RERE: variants seen among roughly 807,000 people sequenced by gnomAD.
The protein encoded by RERE is arginine-glutamic acid dipeptide repeats.
RERE carries 40 observed loss-of-function variants against 146.1 expected under a neutral mutation model. That is an observed-to-expected ratio of 0.27 (90% CI 0.21 to 0.36). RERE has a LOEUF of 0.36. RERE is among the 10% of genes least tolerant of loss of function. RERE has a pLI of 1.00. For synonymous variants in RERE, 1,003 were observed against 866.0 expected (o/e 1.16, Z -2.78); for missense variants, 1,933 against 2,138.7 (o/e 0.90, Z 1.90).
intron 4 of RERE, among the ~76,000 whole-genome samples, chr1:8,570,633 T>C (rs1246441817): frequency 1.3e-5 from 2 of 152,126 alleles, no homozygotes; most frequent in African/African-American, 4.8e-5. Flanking sequence ...CCTGAGAGAA[T>C]GACAGTGAAA....
chr1:8,510,199 GCC>G (rs2124305293), intron 7 of RERE, among the ~76,000 whole-genome samples: 1 of 152,218 alleles, frequency 6.6e-6, no homozygotes, highest in South Asian at 2.1e-4. Context: ...ACCAGAACAG[GCC>G]GATGCCCGTA....
At chr1:8,601,424 T>C (rs1646623818) in intron 4 of RERE, among the ~76,000 whole-genome samples, 1 of 152,080 alleles carries the variant, frequency 6.6e-6, no homozygotes, top group Non-Finnish European at 1.5e-5. Flanking sequence ...TTGCTGTGAA[T>C]AATTAGTACC....
intron 12 of RERE, among the ~76,000 whole-genome samples, chr1:8,419,226 T>G (rs979947615): frequency 2.0e-5 from 3 of 152,196 alleles, no homozygotes; most frequent in Non-Finnish European, 4.4e-5. Flanking sequence ...TTGGGTACCC[T>G]GAGGTTAACA....
At chr1:8,508,413 A>G (rs74818734) in intron 8 of RERE, among the ~76,000 whole-genome samples, 1 of 152,338 alleles carries the variant, frequency 6.6e-6, no homozygotes, top group African/African-American at 2.4e-5. Flanking sequence ...CTATACAACA[A>G]TATTAATGTA....
intron 2 of RERE, among the ~76,000 whole-genome samples, chr1:8,655,075 G>C (rs187685104): frequency 2.6e-3 from 392 of 152,178 alleles, no homozygotes; most frequent in South Asian, 7.7e-3. Context: ...ACAATATACT[G>C]GTGTGACCAT....
At chr1:8,525,943 A>T in intron 7 of RERE, 1 of 1,345,876 alleles carries the variant, frequency 7.4e-7, no homozygotes. Flanking sequence ...CTAAGCCTTC[A>T]CGCAGAACGC....
chr1:8,522,322 C>G (rs1179792359), intron 7 of RERE, among the ~76,000 whole-genome samples: 1 of 152,194 alleles, frequency 6.6e-6, no homozygotes, highest in Admixed American at 6.5e-5. Flanking sequence ...TCTTAGAATA[C>G]ACGGTTTTCT....
chr1:8,774,347 A>ATTTTTTTTTT (rs34859762), intron 1 of RERE, among the ~76,000 whole-genome samples: 16 of 93,178 alleles, frequency 1.7e-4, no homozygotes, highest in Middle Eastern at 7.2e-3. Context: ...TTGGCAAACT[A>ATTTTTTTTTT]TTTTTTTTTT....
intron 11 of RERE, among the ~76,000 whole-genome samples, chr1:8,436,404 A>G (rs965840812): frequency 6.6e-6 from 1 of 152,220 alleles, no homozygotes; most frequent in Non-Finnish European, 1.5e-5. Context: ...TCTCCCTACA[A>G]TATCACCCTA....
At chr1:8,355,665 C>T (rs1570011390) in intron 21 of RERE, 66 bp from the exon 22 acceptor site, 3 of 1,392,830 alleles carry the variant, frequency 2.2e-6, no homozygotes, top group East Asian at 2.5e-5. Context: ...CAGGGCGGCA[C>T]AGGCACAGCA....
In RERE at chr1:8,683,270, C is replaced by T. The variant is rs118051959; in HGVS notation, c.-144-26829G>A. Among the ~76,000 whole-genome samples, 184 of 152,164 alleles carry T rather than the reference C, an allele frequency of 1.2e-3. 2 individuals are homozygous for T. The East Asian group carries it at 0.02, about 17-fold the overall frequency. ...GTCTATACCACACATGTACCTTCACCCTTTTGTTTTCCTTTTAATCCCACT... is the reference window on the plus strand; with the variant it reads ...GTCTATACCACACATGTACCTTCACTCTTTTGTTTTCCTTTTAATCCCACT... On this transcript the variant is annotated intron_variant, in intron 1 of 22. Coordinates refer to ENST00000400908, the MANE Select transcript of RERE (RefSeq NM_001042681.2).
intron 1 of RERE, among the ~76,000 whole-genome samples, chr1:8,816,851 T>A (rs1285617714): frequency 6.6e-6 from 1 of 152,072 alleles, no homozygotes; most frequent in Admixed American, 6.6e-5. Flanking sequence ...TTCCTTCCCT[T>A]CCAGTTTCAG....
chr1:8,573,458 G>A (rs1393741962), intron 4 of RERE, among the ~76,000 whole-genome samples: 1 of 152,044 alleles, frequency 6.6e-6, no homozygotes. Flanking sequence ...ACACTTACAT[G>A]ATCCATCCAC....
chr1:8,572,785 G>T (rs559922911), intron 4 of RERE, among the ~76,000 whole-genome samples: 1 of 152,298 alleles, frequency 6.6e-6, no homozygotes, highest in Admixed American at 6.5e-5. Flanking sequence ...TCCAATAACG[G>T]TTAAGTGCTT....
intron 4 of RERE, chr1:8,590,890 T>C (rs901584138): frequency 5.9e-5 from 9 of 152,214 alleles, no homozygotes; most frequent in African/African-American, 2.2e-4. Flanking sequence ...TCACCCAGAA[T>C]CCTCTAGCAG....
In RERE at chr1:8,356,679, T is replaced by C. The variant is rs1221440431; in HGVS notation, c.4340-433A>G. Among the ~76,000 whole-genome samples the C allele has an allele frequency of 2.0e-5, 3 of 152,110 alleles. No individual in the cohort carries two copies. The highest frequency in any genetic ancestry group is 4.4e-5 in the Non-Finnish European group (3 of 67,994). ...CTCCCTGCTCTTCACTCGCAGAACC[T>C]AAAGGAGGCCAGCAGAGTGGGTGGC... On this transcript the variant is annotated intron_variant, in intron 20 of 22. Coordinates refer to ENST00000400908, the MANE Select transcript of RERE (RefSeq NM_001042681.2). This position sits in a 1 kb window ranked among gnomAD's most constrained non-coding sequence, Gnocchi z 5.2.
intron 1 of RERE, chr1:8,703,190 T>C (rs1433777107): frequency 6.6e-6 from 1 of 151,600 alleles, no homozygotes; most frequent in Non-Finnish European, 1.5e-5. Context: ...GAAGTGCACT[T>C]GCTAAAACAA....
intron 10 of RERE, among the ~76,000 whole-genome samples, chr1:8,493,551 T>C (rs1324144273): frequency 6.6e-6 from 1 of 152,178 alleles, no homozygotes; most frequent in Admixed American, 6.5e-5. Context: ...AGCTGCACAG[T>C]AGATTTCTAA....
intron 7 of RERE, among the ~76,000 whole-genome samples, chr1:8,524,918 A>G (rs2124351247): frequency 6.6e-6 from 1 of 152,346 alleles, no homozygotes; most frequent in South Asian, 2.1e-4. Context: ...TTTTTACTCC[A>G]TTTAAGAGAA....
Sources: gnomAD v4.1 joint callset for allele counts (sites outside exome capture counted in the v4.1 genomes callset) on GRCh38, gnomAD v4.1.1 for gene constraint, Gnocchi (gnomAD v3.1) non-coding constraint, MANE v1.5 for transcripts, NCBI Gene and HGNC (gene_info 2026-07-23, HGNC 2026-07-21) for gene names.